Variants in ASAP3 observed in about 807,000 individuals in gnomAD.
ASAP3 encodes the protein ArfGAP with SH3 domain, ankyrin repeat and PH domain 3.
A neutral mutation model predicts 118.2 loss-of-function variants in ASAP3; 85 were observed. That is an observed-to-expected ratio of 0.72 (90% confidence interval 0.60 to 0.86). The LOEUF is 0.86. Among genes scored for constraint, ASAP3 ranks in the 40% least tolerant of loss-of-function variants. The probability of loss-of-function intolerance (pLI) is 0.00; values close to 1 mark genes in which losing one functional copy is unlikely to be tolerated. For synonymous variants in ASAP3, 432 were observed against 477.4 expected (o/e 0.90, Z 1.24); for missense variants, 1,026 against 1,175.0 (o/e 0.87, Z 1.85).
intron 10 of ASAP3, among the ~76,000 whole-genome samples, chr1:23,440,568 T>C (rs1209944332): frequency 2.5e-5 from 3 of 122,274 alleles, no homozygotes; most frequent in Non-Finnish European, 5.0e-5. Context: ...AAGTGTTAGC[T>C]ACTGCCAGCC....
chr1:23,475,562 C>T (rs1165009857), intron 1 of ASAP3, among the ~76,000 whole-genome samples: 4 of 152,180 alleles, frequency 2.6e-5, no homozygotes, highest in Non-Finnish European at 4.4e-5. Flanking sequence ...CCCACGGTCT[C>T]GATGCTAACA....
rs543799386 is a variant in ASAP3, at chr1:23,441,839, T to C, written c.672-109A>G. ...AAGGATCACAGGGCACCTCAGGGAA[T>C]TGTAGTCTGACGGTCAAGAACAGAC... On this transcript the variant is annotated intron_variant, in intron 7 of 24. Coordinates refer to ENST00000336689, the MANE Select transcript of ASAP3 (RefSeq NM_017707.4). 6.2e-4 allele frequency: 735 copies of C among 1,186,390 alleles called. 1 individual carries two copies. The highest frequency in any genetic ancestry group is 7.9e-4 in the Non-Finnish European group (642 of 816,752). 73.5% of individuals were successfully genotyped at this position (1,186,390 alleles called of 1,614,324 possible). A position where few individuals can be genotyped will look rare whatever the true frequency, so the allele number is the denominator to read the frequency against.
In ASAP3 at chr1:23,438,902, T is replaced by C; in HGVS notation, c.1015-68A>G. 2 of 1,489,770 alleles carry C rather than the reference T, an allele frequency of 1.3e-6. No individual in the cohort carries two copies. Among genetic ancestry groups the C allele is most frequent in the Non-Finnish European group, 1.9e-6 (2 of 1,069,500 alleles). 92.3% of individuals were successfully genotyped at this position (1,489,770 alleles called of 1,614,324 possible). A position where few individuals can be genotyped will look rare whatever the true frequency, so the allele number is the denominator to read the frequency against. Reference sequence around the variant, plus strand: ...CCCTCCACATTCTTTAGGCCTCCATTTCCCACTCTGTTAAATGGGCATAAT... The same window carrying C: ...CCCTCCACATTCTTTAGGCCTCCATCTCCCACTCTGTTAAATGGGCATAAT... On this transcript the variant is annotated intron_variant, in intron 11 of 24. Transcript: ENST00000336689. This position sits in a 1 kb window ranked among gnomAD's most constrained non-coding sequence, Gnocchi z 4.9.
rs902802355 is a variant in ASAP3 at position 23,484,040 on chromosome 1, G to T, written c.94C>A (p.Pro32Thr). Reference protein sequence around the residue: ...AGAAAFAAKMPRYRGAALARE... With the variant: ...AGAAAFAAKMTRYRGAALARE... ...GCCAGCGCCGCCCCTCGGTACCGGG[G>T]CATCTTGGCGGCGAAGGCGGCGGCC... The change falls in exon 1 of 25, where the codon CCC becomes ACC. Residue 32 changes from proline (P) to threonine (T), a missense_variant. Physicochemically the swap from Pro to Thr is conservative, Grantham distance 38 (BLOSUM62 -1). Transcript: ENST00000336689. 11 of 1,337,330 alleles carry T rather than the reference G, an allele frequency of 8.2e-6. No homozygotes were observed. Among genetic ancestry groups the T allele is most frequent in the Non-Finnish European group, 1.1e-5 (11 of 1,046,108 alleles). 82.8% of individuals were successfully genotyped at this position (1,337,330 alleles called of 1,614,324 possible).
intron 1 of ASAP3, among the ~76,000 whole-genome samples, chr1:23,477,966 T>C (rs1026059015): frequency 7.9e-5 from 12 of 152,326 alleles, no homozygotes; most frequent in Admixed American, 7.2e-4. Context: ...AACTGAGCGA[T>C]GCATCTGCCC....
chr1:23,451,042 T>TA (rs1641197913), intron 5 of ASAP3, among the ~76,000 whole-genome samples: 1 of 152,250 alleles, frequency 6.6e-6, no homozygotes, highest in South Asian at 2.1e-4. Context: ...GCAAGGGGCA[T>TA]AAACCCCAGT....
chr1:23,445,574 A>G (rs1264366252), intron 5 of ASAP3, among the ~76,000 whole-genome samples: 1 of 152,164 alleles, frequency 6.6e-6, no homozygotes, highest in Non-Finnish European at 1.5e-5. Flanking sequence ...CACTGTTACC[A>G]TATCTTTCAA....
chr1:23,438,822 G>A lies in ASAP3; in HGVS notation c.1027C>T (p.Pro343Ser). Residue 343 changes from proline to serine, a missense_variant, in exon 12 of 25, where the codon CCG becomes TCG. Pro to Ser is a moderately conservative substitution (Grantham distance 74, BLOSUM62 -1). Coordinates refer to ENST00000336689, the MANE Select transcript of ASAP3 (RefSeq NM_017707.4). This position sits in a 1 kb window ranked among gnomAD's most constrained non-coding sequence, Gnocchi z 4.9. ...TISHSTINRP[P>S]VKLTLLTCQV... ...CACGTCAGCAGGGTCAGCTTCACCG[G>A]GGGCCGGTTTATCTGTGGGAATTTA... is the stretch of plus-strand genomic sequence containing the variant. The A allele has an allele frequency of 6.8e-6, 11 of 1,614,194 alleles. No individual in the cohort carries two copies. The highest frequency in any genetic ancestry group is 8.5e-6 in the Non-Finnish European group (10 of 1,180,026).
rs548682958 is a variant in ASAP3 at position 23,471,288 on chromosome 1, G to A, written c.129+12717C>T. ...TCATCTTTCCCGACTCAACTTACAG[G>A]TCACCCCCTCCCCACCACAACAGAA... is the stretch of plus-strand genomic sequence containing the variant. On this transcript the variant is annotated intron_variant, in intron 1 of 24. Coordinates refer to ENST00000336689, the MANE Select transcript of ASAP3 (RefSeq NM_017707.4). Among the ~76,000 whole-genome samples the A allele has an allele frequency of 2.8e-4, 43 of 152,096 alleles. 2 individuals are homozygous for A. Among genetic ancestry groups the A allele is most frequent in the South Asian group, 2.7e-3 (13 of 4,822 alleles).
chr1:23,477,305 A>T (rs1260962067), intron 1 of ASAP3, among the ~76,000 whole-genome samples: 2 of 146,186 alleles, frequency 1.4e-5, no homozygotes, highest in Non-Finnish European at 3.0e-5. Context: ...TGAACCCAGG[A>T]GACAGAGGTT....
At chr1:23,471,121 C>A (rs1264220933) in intron 1 of ASAP3, among the ~76,000 whole-genome samples, 2 of 152,224 alleles carry the variant, frequency 1.3e-5, no homozygotes, top group African/African-American at 4.8e-5. Flanking sequence ...GGCTTGCTAT[C>A]CATCACTGGT....
At chr1:23,459,170 CAAAAAAAAA>C (rs59149141) in intron 1 of ASAP3, among the ~76,000 whole-genome samples, 1 of 68,314 alleles carries the variant, frequency 1.5e-5, no homozygotes, top group South Asian at 6.5e-4. Flanking sequence ...GACTCCATCT[CAAAAAAAAA>C]AAAAAAAAAA....
chr1:23,450,619 A>T (rs1313288969), intron 5 of ASAP3, among the ~76,000 whole-genome samples: 2 of 151,834 alleles, frequency 1.3e-5, no homozygotes, highest in Non-Finnish European at 1.5e-5. Flanking sequence ...AAAAAAAAAA[A>T]TTCAAACAAC....
intron 3 of ASAP3, among the ~76,000 whole-genome samples, chr1:23,455,461 T>C (rs1641351735): frequency 6.6e-6 from 1 of 151,846 alleles, no homozygotes. Flanking sequence ...CAGATGTGGA[T>C]TGGGAAAGCA....
intron 1 of ASAP3, among the ~76,000 whole-genome samples, chr1:23,473,911 C>T (rs886788283): frequency 1.5e-4 from 22 of 151,190 alleles, no homozygotes; most frequent in Non-Finnish European, 2.5e-4. Flanking sequence ...GAGAACTTCT[C>T]ATCTGCCCCC....
chr1:23,441,715 G>A lies in ASAP3; in HGVS notation c.687C>T (p.Gly229=), dbSNP rs547385294. Residue 229 remains glycine (G), a synonymous_variant, in exon 8 of 25, where the codon GGC becomes GGT. Transcript: ENST00000336689. The stretch of plus-strand genomic sequence containing the variant: ...GGAACAGGCTCTGGGCAGCCTTCCA[G>A]CCATCTTGGAAAAAGCTAAGAGGTG... ...FHAQHNFFQD[G]WKAAQSLFPF... 1 of 1,614,180 alleles carries A rather than the reference G, an allele frequency of 6.2e-7. No individual in the cohort carries two copies. The highest frequency in any genetic ancestry group is 8.5e-7 in the Non-Finnish European group (1 of 1,180,040).
intron 22 of ASAP3, 82 bp downstream of exon 22, chr1:23,432,993 CAT>C: frequency 6.6e-7 from 1 of 1,507,318 alleles, no homozygotes; most frequent in Non-Finnish European, 9.1e-7. Flanking sequence ...TACGGACTAA[CAT>C]ATGCACTCAG....
chr1:23,437,607 G>T lies in ASAP3; in HGVS notation c.1103-135C>A. ...AAGTCGGACTCTCAAGCTAGGAGTG[G>T]GAAGGGAGTGGAATGACAGTGGCCA... On this transcript the variant is annotated intron_variant, in intron 12 of 24. Coordinates refer to ENST00000336689, the MANE Select transcript of ASAP3 (RefSeq NM_017707.4). This position sits in a 1 kb window ranked among gnomAD's most constrained non-coding sequence, Gnocchi z 6.1. 9.4e-7 allele frequency: 1 copy of T among 1,069,504 alleles called. No homozygotes were observed. Among genetic ancestry groups the T allele is most frequent in the Non-Finnish European group, 1.3e-6 (1 of 744,630 alleles). 66.3% of individuals were successfully genotyped at this position (1,069,504 alleles called of 1,614,324 possible).
intron 1 of ASAP3, among the ~76,000 whole-genome samples, chr1:23,481,957 T>C (rs150911494): frequency 6.6e-6 from 1 of 152,316 alleles, no homozygotes; most frequent in East Asian, 1.9e-4. Flanking sequence ...CTCCAAAGGA[T>C]GGGCTGGACA....
Sources: gnomAD v4.1 joint callset for allele counts (sites outside exome capture counted in the v4.1 genomes callset) on GRCh38, gnomAD v4.1.1 for gene constraint, Gnocchi (gnomAD v3.1) non-coding constraint, MANE v1.5 for transcripts, NCBI Gene and HGNC (gene_info 2026-07-23, HGNC 2026-07-21) for gene names.